Variants in CCNY observed in about 807,000 individuals in gnomAD.
CCNY encodes cyclin Y, also known as cyclin-Y.
Under a neutral mutation model 42.8 loss-of-function variants are expected in CCNY, and 19 were observed. That is an observed-to-expected ratio of 0.44 (90% CI 0.31 to 0.65). The LOEUF is 0.65. Ranked by LOEUF, CCNY falls within the 30% of genes least tolerant of loss-of-function variation. CCNY has a pLI of 0.07. For synonymous variants in CCNY, 165 were observed against 162.7 expected (o/e 1.01, Z -0.11); for missense variants, 370 against 437.3 (o/e 0.85, Z 1.37).
intron 1 of CCNY, among the ~76,000 whole-genome samples, chr10:35,385,096 A>G (rs893337289): frequency 1.3e-5 from 2 of 152,212 alleles, no homozygotes; most frequent in Admixed American, 1.3e-4. Flanking sequence ...TGGCAGAAAG[A>G]TAGTAGCAGA....
chr10:35,322,553 C>A (rs1165259240), intron 3 of CCNY, among the ~76,000 whole-genome samples: 5 of 152,090 alleles, frequency 3.3e-5, no homozygotes, highest in South Asian at 4.1e-4. Flanking sequence ...AAAGACAATG[C>A]TAACAAAATG....
intron 4 of CCNY, among the ~76,000 whole-genome samples, chr10:35,521,816 G>A (rs1840553739): frequency 6.6e-6 from 1 of 152,138 alleles, no homozygotes; most frequent in Non-Finnish European, 1.5e-5. Context: ...CCACCTGGAT[G>A]GAAGGACACT....
chr10:35,368,424 G>A (rs1011465162), intron 1 of CCNY, among the ~76,000 whole-genome samples: 1 of 152,202 alleles, frequency 6.6e-6, no homozygotes, highest in African/African-American at 2.4e-5. Context: ...TTTTTCTAAT[G>A]TAAAATTAAA....
intron 1 of CCNY, among the ~76,000 whole-genome samples, chr10:35,419,533 CTTT>C (rs34429228): frequency 3.1e-5 from 4 of 129,674 alleles, no homozygotes; most frequent in African/African-American, 3.2e-5. Flanking sequence ...TAGACCGTTC[CTTT>C]TTTTTTTTTT....
chr10:35,258,213 C>T (rs4934740), intron 3 of CCNY, among the ~76,000 whole-genome samples: 55,517 of 151,930 alleles, frequency 0.37, 10,636 homozygotes, highest in African/African-American at 0.49. Flanking sequence ...TCAGAGTTTG[C>T]TGTTCTTTGT....
intron 3 of CCNY, among the ~76,000 whole-genome samples, chr10:35,503,149 A>G (rs1382963743): frequency 6.6e-6 from 1 of 151,928 alleles, no homozygotes; most frequent in Non-Finnish European, 1.5e-5. Flanking sequence ...TAGTCTGAGC[A>G]CCTGCCACAC....
intron 8 of CCNY, among the ~76,000 whole-genome samples, chr10:35,565,200 TGTAGATGGGTTG>T (rs1374155211): frequency 6.6e-6 from 1 of 152,216 alleles, no homozygotes; most frequent in Admixed American, 6.5e-5. Flanking sequence ...TCCATCAACA[TGTAGATGGGTTG>T]GCAGGGTGGA....
At chr10:35,408,313 A>T (rs1837827844) in intron 1 of CCNY, among the ~76,000 whole-genome samples, 1 of 152,210 alleles carries the variant, frequency 6.6e-6, no homozygotes, top group Non-Finnish European at 1.5e-5. Flanking sequence ...TGTGCATGTG[A>T]AGAGACCACA....
At position 35,477,584 on chromosome 10, in the gene CCNY, A is replaced by G. The variant is rs60004401; in HGVS notation, c.155-5820A>G. On this transcript the variant is annotated intron_variant, in intron 1 of 9. Transcript: ENST00000374704. Reference sequence around the variant, plus strand: ...CAAAGAAGGCCTTTGACAAAATTCAACAACCCTTCATGCTAAAAACTCTCA... The same window carrying G: ...CAAAGAAGGCCTTTGACAAAATTCAGCAACCCTTCATGCTAAAAACTCTCA... Among the ~76,000 whole-genome samples, 849 of 152,146 alleles carry G rather than the reference A, an allele frequency of 5.6e-3. 9 individuals carry two copies. The highest frequency in any genetic ancestry group is 0.018 in the African/African-American group (739 of 41,496).
intron 1 of CCNY, among the ~76,000 whole-genome samples, chr10:35,357,237 C>T (rs1266502152): frequency 2.7e-5 from 4 of 147,076 alleles, no homozygotes; most frequent in African/African-American, 9.9e-5. Flanking sequence ...GTCACTTTAC[C>T]TTTATGAGGT....
intron 1 of CCNY, among the ~76,000 whole-genome samples, chr10:35,472,525 C>G (rs949264145): frequency 6.6e-6 from 1 of 152,116 alleles, no homozygotes; most frequent in Non-Finnish European, 1.5e-5. Flanking sequence ...TGATCTCTTT[C>G]GTTACTTCTG....
chr10:35,278,195 T>C (rs1440657584), intron 3 of CCNY, among the ~76,000 whole-genome samples: 4 of 152,052 alleles, frequency 2.6e-5, no homozygotes, highest in African/African-American at 4.8e-5. Flanking sequence ...CCTCATCCTA[T>C]CATTAGGGAC....
At chr10:35,468,391 A>T (rs932734103) in intron 1 of CCNY, among the ~76,000 whole-genome samples, 6 of 152,216 alleles carry the variant, frequency 3.9e-5, no homozygotes, top group Admixed American at 3.3e-4. Flanking sequence ...TTGTGTTTGC[A>T]TGCATGTATA....
intron 7 of CCNY, 40 bp from the exon 8 acceptor site, chr10:35,552,979 A>G: frequency 6.3e-7 from 1 of 1,595,164 alleles, no homozygotes; most frequent in Non-Finnish European, 8.6e-7. Flanking sequence ...GTTTAGGAGA[A>G]AACAAATCAC....
intron 2 of CCNY, among the ~76,000 whole-genome samples, chr10:35,494,838 T>C (rs1839975705): frequency 1.3e-5 from 2 of 152,246 alleles, no homozygotes; most frequent in African/African-American, 4.8e-5. Flanking sequence ...TTGCTTTGTA[T>C]ATATGCGCAC....
chr10:35,362,429 C>T (rs1175136507), intron 1 of CCNY, among the ~76,000 whole-genome samples: 1 of 152,090 alleles, frequency 6.6e-6, no homozygotes, highest in Admixed American at 6.5e-5. Flanking sequence ...TAGGAAAGTC[C>T]TCCAGGTGAC....
intron 1 of CCNY, among the ~76,000 whole-genome samples, chr10:35,349,509 C>T (rs1238725986): frequency 6.6e-6 from 1 of 152,230 alleles, no homozygotes; most frequent in Non-Finnish European, 1.5e-5. Context: ...TGGCGATACA[C>T]TTCTTAGTGT....
intron 2 of CCNY, among the ~76,000 whole-genome samples, chr10:35,493,684 T>G (rs1268310051): frequency 6.6e-6 from 1 of 152,212 alleles, no homozygotes; most frequent in Non-Finnish European, 1.5e-5. Context: ...CCACATAATC[T>G]TGGTGCATAT....
At chr10:35,537,298 C>T (rs1198704572) in intron 7 of CCNY, among the ~76,000 whole-genome samples, 1 of 152,218 alleles carries the variant, frequency 6.6e-6, no homozygotes, top group Non-Finnish European at 1.5e-5. Context: ...GGGCGGGGCC[C>T]TCAATGGAGA....
Sources: allele counts gnomAD v4.1 joint callset (sites outside exome capture counted in the v4.1 genomes callset), GRCh38; gene constraint gnomAD v4.1.1; transcripts MANE v1.5; gene names NCBI Gene and HGNC (gene_info 2026-07-23, HGNC 2026-07-21).